CSMD1: variants seen among roughly 807,000 people sequenced by gnomAD.
The protein encoded by CSMD1 is CUB and Sushi multiple domains 1, also known as CUB and sushi domain-containing protein 1.
A neutral mutation model predicts 417.5 loss-of-function variants in CSMD1; 213 were observed. The observed-to-expected ratio is 0.51, with a 90% confidence interval of 0.46 to 0.57. CSMD1 has a LOEUF of 0.57. CSMD1 is among the 20% of genes least tolerant of loss of function. The pLI is 0.00. For synonymous variants in CSMD1, 2,862 were observed against 1,736.8 expected (o/e 1.65, Z -16.11); for missense variants, 6,923 against 4,529.7 (o/e 1.53, Z -15.17).
At chr8:3,496,956 T>A (rs1241340992) in intron 10 of CSMD1, among the ~76,000 whole-genome samples, 1 of 152,202 alleles carries the variant, frequency 6.6e-6, no homozygotes, top group Non-Finnish European at 1.5e-5. Context: ...TTTTGAAAGT[T>A]TCTCTTGTTA....
At chr8:3,805,144 G>A (rs966970960) in intron 5 of CSMD1, among the ~76,000 whole-genome samples, 9 of 152,106 alleles carry the variant, frequency 5.9e-5, no homozygotes, top group African/African-American at 1.4e-4. Context: ...ATTCCACTAG[G>A]ACAGCAGCAT....
intron 3 of CSMD1, among the ~76,000 whole-genome samples, chr8:4,386,705 C>G (rs56718022): frequency 0.069 from 10,518 of 152,196 alleles, 1,032 homozygotes; most frequent in African/African-American, 0.22. Flanking sequence ...AGACAAGGAT[C>G]CAGATGGTAA....
intron 21 of CSMD1, among the ~76,000 whole-genome samples, chr8:3,358,769 G>A (rs1197998945): frequency 6.6e-6 from 1 of 152,090 alleles, no homozygotes; most frequent in Non-Finnish European, 1.5e-5. Context: ...GACACGTGCT[G>A]CTTTTAATCA....
intron 1 of CSMD1, among the ~76,000 whole-genome samples, chr8:4,827,406 CTGGA>C (rs1799896424): frequency 6.6e-6 from 1 of 152,244 alleles, no homozygotes; most frequent in Non-Finnish European, 1.5e-5. Flanking sequence ...TCAAAGCTGT[CTGGA>C]TGAAGAGAAA....
At chr8:4,646,642 A>C (rs1057418780) in intron 1 of CSMD1, among the ~76,000 whole-genome samples, 1 of 152,192 alleles carries the variant, frequency 6.6e-6, no homozygotes, top group Non-Finnish European at 1.5e-5. Flanking sequence ...CAATGAAGAA[A>C]GATTTCTGCG....
chr8:4,841,020 C>T (rs1800809351), intron 1 of CSMD1, among the ~76,000 whole-genome samples: 1 of 152,202 alleles, frequency 6.6e-6, no homozygotes, highest in Non-Finnish European at 1.5e-5. Flanking sequence ...CGTCAGCCCC[C>T]TGGCTCCACC....
intron 1 of CSMD1, among the ~76,000 whole-genome samples, chr8:4,638,886 G>C (rs531890903): frequency 2.0e-5 from 3 of 152,176 alleles, no homozygotes; most frequent in Non-Finnish European, 4.4e-5. Context: ...AAGATTTTGT[G>C]TTATTGATTC....
intron 10 of CSMD1, among the ~76,000 whole-genome samples, chr8:3,528,706 T>C (rs976000681): frequency 6.6e-6 from 1 of 152,220 alleles, no homozygotes; most frequent in Non-Finnish European, 1.5e-5. Flanking sequence ...TCAGTGCATA[T>C]GGAAAAGCTT....
Position 4,322,377 on chromosome 8 carries a change from C to T in CSMD1, c.415+97576G>A, listed in dbSNP as rs192249651. The stretch of plus-strand genomic sequence containing the variant: ...AGAGTTTAAAGTGGAATTAGAATTC[C>T]CCCAGTTGGCAAAAGCATCTCACCT... On this transcript the variant is annotated intron_variant, in intron 3 of 69. Coordinates refer to ENST00000635120, the MANE Select transcript of CSMD1 (RefSeq NM_033225.6). Among the ~76,000 whole-genome samples, 7 of 152,074 alleles carry T rather than the reference C, an allele frequency of 4.6e-5. No homozygotes were observed. The East Asian group carries it at 7.8e-4, about 17-fold the overall frequency.
At chr8:3,656,284 C>T (rs915699703) in intron 7 of CSMD1, among the ~76,000 whole-genome samples, 8 of 152,186 alleles carry the variant, frequency 5.3e-5, no homozygotes, top group African/African-American at 1.7e-4. Context: ...GTTTACTCAA[C>T]ACAGAAATAC....
At chr8:4,309,457 G>T (rs939920899) in intron 3 of CSMD1, among the ~76,000 whole-genome samples, 1 of 143,278 alleles carries the variant, frequency 7.0e-6, no homozygotes, top group African/African-American at 3.0e-5. Flanking sequence ...TATTATGAAA[G>T]ACGAGAAAAA....
chr8:3,959,567 T>A (rs1193869096), intron 5 of CSMD1, among the ~76,000 whole-genome samples: 1 of 152,208 alleles, frequency 6.6e-6, no homozygotes, highest in South Asian at 2.1e-4. Flanking sequence ...TTCCCATAGT[T>A]TTTGTCTCTT....
At position 2,944,379 on chromosome 8, in the gene CSMD1, G is replaced by A. The variant is rs576134354; in HGVS notation, c.10403-1775C>T. ...GAGGGTGGTCCCAGCAGCAGCAGTG[G>A]TGCAGCAGTGATGTCCAGTGACAAG... On this transcript the variant is annotated intron_variant, in intron 68 of 69. Coordinates refer to ENST00000635120, the MANE Select transcript of CSMD1 (RefSeq NM_033225.6). Among the ~76,000 whole-genome samples, 6 of 152,298 alleles carry A rather than the reference G, an allele frequency of 3.9e-5. No homozygotes were observed. In the South Asian group the frequency reaches 1.2e-3, roughly 32 times the overall value.
At chr8:3,255,502 G>C (rs1478093194) in intron 26 of CSMD1, among the ~76,000 whole-genome samples, 2 of 152,212 alleles carry the variant, frequency 1.3e-5, no homozygotes, top group African/African-American at 2.4e-5. Flanking sequence ...TCCTTGAGCT[G>C]TGGTGGGCTC....
At chr8:4,096,454 A>G (rs1801016121) in intron 3 of CSMD1, among the ~76,000 whole-genome samples, 1 of 152,186 alleles carries the variant, frequency 6.6e-6, no homozygotes, top group South Asian at 2.1e-4. Flanking sequence ...ATCCCCATCT[A>G]AAATGTAAGA....
At chr8:4,456,886 A>C (rs1799520294) in intron 2 of CSMD1, among the ~76,000 whole-genome samples, 1 of 151,018 alleles carries the variant, frequency 6.6e-6, no homozygotes. Flanking sequence ...AAGGGAGAAC[A>C]CACCCGTATT....
intron 1 of CSMD1, among the ~76,000 whole-genome samples, chr8:4,742,176 G>A (rs946264399): frequency 7.3e-5 from 11 of 150,836 alleles, no homozygotes; most frequent in East Asian, 2.0e-4. Flanking sequence ...GACTACAGGC[G>A]CCCGCCACCA....
intron 3 of CSMD1, among the ~76,000 whole-genome samples, chr8:4,041,644 G>C: frequency 6.6e-6 from 1 of 152,140 alleles, no homozygotes; most frequent in Non-Finnish European, 1.5e-5. Flanking sequence ...ATAAGAAGAA[G>C]AAAACTCAAT....
In CSMD1 at chr8:3,829,677, C is replaced by G. The variant is rs114480511; in HGVS notation, c.819-75635G>C. Among the ~76,000 whole-genome samples the G allele has an allele frequency of 1.9e-3, 291 of 152,258 alleles. 1 individual carries two copies. Among genetic ancestry groups the G allele is most frequent in the African/African-American group, 6.0e-3 (250 of 41,548 alleles). On this transcript the variant is annotated intron_variant, in intron 5 of 69. Transcript: ENST00000635120. ...TTCTATGATGCAAATGTCCTCGTAT[C>G]TTAACATGCTTGAGAAATATTTGGT... is the stretch of plus-strand genomic sequence containing the variant.
Sources: allele counts gnomAD v4.1 joint callset (sites outside exome capture counted in the v4.1 genomes callset), GRCh38; gene constraint gnomAD v4.1.1; transcripts MANE v1.5; gene names NCBI Gene and HGNC (gene_info 2026-07-23, HGNC 2026-07-21).